The following AFG2A variants were observed in gnomAD, a reference collection of about 807,000 sequenced individuals.
AFG2A encodes the protein ATPase family gene 2 protein homolog A.
the AFG2A span, chr4:123,028,136 C>A: frequency 7.0e-6 from 10 of 1,436,432 alleles, no homozygotes; most frequent in South Asian, 1.3e-5. Flanking sequence ...TTTTTTAGTT[C>A]TCTGTTTGTC....
At chr4:123,170,013 CAG>C in the AFG2A span, among the ~76,000 whole-genome samples, 9 of 152,128 alleles carry the variant, frequency 5.9e-5, no homozygotes, top group African/African-American at 1.7e-4. Context: ...TGGGTAGAAA[CAG>C]AGTTAGGGTT....
the AFG2A span, among the ~76,000 whole-genome samples, chr4:123,228,075 T>C: frequency 6.6e-6 from 1 of 152,184 alleles, no homozygotes; most frequent in South Asian, 2.1e-4. Context: ...TAGATCTTCC[T>C]CCATCACTTT....
chr4:122,983,109 G>A, the AFG2A span, among the ~76,000 whole-genome samples: 7 of 151,856 alleles, frequency 4.6e-5, no homozygotes, highest in Admixed American at 6.6e-5. Flanking sequence ...CTCATGATCC[G>A]CCCACCTCAG....
chr4:122,981,295 G>A, the AFG2A span, among the ~76,000 whole-genome samples: 11 of 152,028 alleles, frequency 7.2e-5, no homozygotes, highest in African/African-American at 2.4e-4. Flanking sequence ...TCGTCATTGC[G>A]TGTTCTTCGG....
the AFG2A span, among the ~76,000 whole-genome samples, chr4:122,957,650 G>A: frequency 6.6e-6 from 1 of 152,106 alleles, no homozygotes; most frequent in African/African-American, 2.4e-5. Flanking sequence ...TCAGGTTACA[G>A]CAGTTATTAG....
chr4:123,308,334 A>T, the AFG2A span, among the ~76,000 whole-genome samples: 1 of 152,224 alleles, frequency 6.6e-6, no homozygotes, highest in Non-Finnish European at 1.5e-5. Context: ...GAACTTAAGA[A>T]GACCTGACAA....
At chr4:122,993,981 A>G in the AFG2A span, among the ~76,000 whole-genome samples, 23 of 152,100 alleles carry the variant, frequency 1.5e-4, no homozygotes, top group Admixed American at 1.3e-3. Flanking sequence ...TGAATAGCAC[A>G]TAGTAGATAC....
the AFG2A span, among the ~76,000 whole-genome samples, chr4:122,966,052 A>G: frequency 2.0e-5 from 3 of 152,204 alleles, no homozygotes; most frequent in African/African-American, 7.2e-5. Context: ...TTGCATTAGT[A>G]TTATAGCTCC....
chr4:123,059,514 T>C, the AFG2A span, among the ~76,000 whole-genome samples: 7 of 152,054 alleles, frequency 4.6e-5, no homozygotes, highest in Non-Finnish European at 8.8e-5. Flanking sequence ...TAGTATTCCA[T>C]GGTGTATCTG....
chr4:123,014,139 A>C, the AFG2A span, among the ~76,000 whole-genome samples: 2 of 152,098 alleles, frequency 1.3e-5, no homozygotes, highest in Non-Finnish European at 2.9e-5. Flanking sequence ...CCTTGTTTTT[A>C]GTTTCTATAT....
At chr4:123,126,780 A>T in the AFG2A span, among the ~76,000 whole-genome samples, 1 of 152,226 alleles carries the variant, frequency 6.6e-6, no homozygotes. Flanking sequence ...CTATGAGTCA[A>T]TTAAACTTTT....
the AFG2A span, among the ~76,000 whole-genome samples, chr4:122,930,416 A>T: frequency 1.6e-4 from 24 of 152,282 alleles, no homozygotes; most frequent in Admixed American, 9.2e-4. Flanking sequence ...TCTAGTCATC[A>T]GCTTGATTTT....
the AFG2A span, among the ~76,000 whole-genome samples, chr4:123,187,119 G>A: frequency 2.0e-5 from 3 of 152,176 alleles, no homozygotes; most frequent in Admixed American, 1.3e-4. Context: ...AAATAAGATA[G>A]GTAGCAAATC....
At chr4:123,173,536 A>C in the AFG2A span, among the ~76,000 whole-genome samples, 1 of 151,652 alleles carries the variant, frequency 6.6e-6, no homozygotes, top group African/African-American at 2.4e-5. Context: ...TTGTAGTTTT[A>C]GTAGAGACAG....
At chr4:123,319,362 C>T in the AFG2A span, 1 of 152,156 alleles carries the variant, frequency 6.6e-6, no homozygotes, top group African/African-American at 2.4e-5. Flanking sequence ...CTGAATGCTT[C>T]CTTTGAAGAT....
At chr4:123,111,726 CTTCTTCTTA>C in the AFG2A span, among the ~76,000 whole-genome samples, 1 of 150,562 alleles carries the variant, frequency 6.6e-6, no homozygotes, top group Non-Finnish European at 1.5e-5. Context: ...TCTTCTTCTT[CTTCTTCTTA>C]TTATTATTAT....
At chr4:123,254,311 G>A in the AFG2A span, among the ~76,000 whole-genome samples, 640 of 145,594 alleles carry the variant, frequency 4.4e-3, 7 homozygotes, top group Non-Finnish European at 6.8e-3. Context: ...TGAGGTAAGG[G>A]TCAATGTTCA....
At chr4:123,257,718 A>G in the AFG2A span, among the ~76,000 whole-genome samples, 1 of 152,234 alleles carries the variant, frequency 6.6e-6, no homozygotes, top group Admixed American at 6.5e-5. Context: ...GGCATCTTGT[A>G]TGATGATATG....
At chr4:123,124,140 A>G in the AFG2A span, among the ~76,000 whole-genome samples, 1 of 152,064 alleles carries the variant, frequency 6.6e-6, no homozygotes, top group Non-Finnish European at 1.5e-5. Flanking sequence ...ATTACTGGGT[A>G]TATACCCAAA....
Sources: gnomAD v4.1 joint callset for allele counts (sites outside exome capture counted in the v4.1 genomes callset) on GRCh38, gnomAD v4.1.1 for gene constraint, MANE v1.5 for transcripts, NCBI Gene and HGNC (gene_info 2026-07-23, HGNC 2026-07-21) for gene names.